The following ENKUR variants were observed in gnomAD, a reference collection of about 807,000 sequenced individuals.
ENKUR encodes the protein enkurin, TRPC channel interacting protein.
A neutral mutation model predicts 27.6 loss-of-function variants in ENKUR; 19 were observed. That is an observed-to-expected ratio of 0.69 (90% CI 0.48 to 1.01). The LOEUF (loss-of-function observed/expected upper bound fraction) is 1.01, where lower values mean the gene tolerates loss of function less well. Among genes scored for constraint, ENKUR ranks in the 50% least tolerant of loss-of-function variants. ENKUR has a pLI of 0.00. For synonymous variants in ENKUR, 117 were observed against 96.9 expected (o/e 1.21, Z -1.22); for missense variants, 312 against 310.5 (o/e 1.00, Z -0.04).
intron 2 of ENKUR, chr10:25,026,625 C>T (rs1850858319): frequency 1.2e-5 from 2 of 163,752 alleles, no homozygotes; most frequent in African/African-American, 4.8e-5. Flanking sequence ...TGTGAATTTA[C>T]TGGATGTTTT....
intron 1 of ENKUR, among the ~76,000 whole-genome samples, chr10:25,000,830 C>A (rs929157785): frequency 6.6e-6 from 1 of 151,910 alleles, no homozygotes; most frequent in African/African-American, 2.4e-5. Context: ...TTTTACATAT[C>A]CCCTTGCTCA....
intron 2 of ENKUR, among the ~76,000 whole-genome samples, chr10:25,035,857 T>C (rs1241653426): frequency 6.6e-6 from 1 of 152,222 alleles, no homozygotes; most frequent in Non-Finnish European, 1.5e-5. Flanking sequence ...CTGGACAGCG[T>C]TGAACATACA....
intron 2 of ENKUR, among the ~76,000 whole-genome samples, chr10:25,051,285 C>T (rs576264300): frequency 2.6e-5 from 4 of 152,136 alleles, no homozygotes; most frequent in Non-Finnish European, 4.4e-5. Context: ...AAATGCAAAC[C>T]CTCCTTGGAG....
chr10:25,039,185 GTGAC>G (rs1851036825), intron 2 of ENKUR, among the ~76,000 whole-genome samples: 1 of 152,126 alleles, frequency 6.6e-6, no homozygotes, highest in African/African-American at 2.4e-5. Context: ...TAGGATCTTG[GTGAC>G]TGATATCCAC....
chr10:25,009,121 G>T (rs1850381287), intron 1 of ENKUR, among the ~76,000 whole-genome samples: 1 of 152,168 alleles, frequency 6.6e-6, no homozygotes, highest in Non-Finnish European at 1.5e-5. Context: ...TGGGAGGAGA[G>T]GGGAGGGATA....
At position 25,056,792 on chromosome 10, in the gene ENKUR, G is replaced by C. The variant is rs183761356; in HGVS notation, c.37+4320C>G. ...TATCATTGGGGTGTCAATATAGAGA[G>C]GCTATTTGTTCTGTTTATTAATGGC... On this transcript the variant is annotated intron_variant, in intron 2 of 5. Transcript: ENST00000615958. Among the ~76,000 whole-genome samples, 331 of 152,236 alleles carry C rather than the reference G, an allele frequency of 2.2e-3. 3 individuals carry two copies. Among genetic ancestry groups the C allele is most frequent in the African/African-American group, 7.3e-3 (304 of 41,520 alleles).
At position 25,030,488 on chromosome 10, in the gene ENKUR, A is replaced by G. The variant is rs149695020; in HGVS notation, c.37+30624T>C. On this transcript the variant is annotated intron_variant, in intron 2 of 5. Coordinates refer to the ENKUR transcript ENST00000615958. ...GGTTCTCTTATTGTTTTTGATAAGT[A>G]TAATGTTATTCTGATTCTTGATTTT... is the stretch of plus-strand genomic sequence containing the variant. Among the ~76,000 whole-genome samples the G allele has an allele frequency of 3.6e-3, 548 of 152,270 alleles. 5 individuals are homozygous for G. Among genetic ancestry groups the G allele is most frequent in the African/African-American group, 0.012 (506 of 41,572 alleles).
intron 1 of ENKUR, among the ~76,000 whole-genome samples, chr10:25,003,003 A>G (rs1850223871): frequency 6.6e-6 from 1 of 152,054 alleles, no homozygotes; most frequent in Non-Finnish European, 1.5e-5. Flanking sequence ...AGGTATATGA[A>G]CTGAAAGCCT....
At chr10:25,050,257 C>T (rs987524347) in intron 2 of ENKUR, among the ~76,000 whole-genome samples, 10 of 152,234 alleles carry the variant, frequency 6.6e-5, no homozygotes, top group Middle Eastern at 6.8e-3. Flanking sequence ...GACAAGCATC[C>T]AAACCATATC....
intron 2 of ENKUR, among the ~76,000 whole-genome samples, chr10:25,046,242 G>T (rs139031291): frequency 1.8e-3 from 274 of 152,214 alleles, no homozygotes; most frequent in Non-Finnish European, 2.7e-3. Context: ...TTCTGTCTTT[G>T]CAAGGCCAAA....
intron 2 of ENKUR, among the ~76,000 whole-genome samples, chr10:25,029,282 T>C (rs1850906510): frequency 6.6e-6 from 1 of 152,182 alleles, no homozygotes; most frequent in African/African-American, 2.4e-5. Flanking sequence ...TTATAATTTC[T>C]AGCTTTCACT....
At position 25,000,626 on chromosome 10, in the gene ENKUR, T is replaced by G. The variant is rs561204761; in HGVS notation, c.78-1080A>C. ...CTACTCTGTCTGACATTATGGTAGC[T>G]AATCAAGCATCCCTTTGATTTGTAA... On this transcript the variant is annotated intron_variant, in intron 1 of 5. Transcript: ENST00000331161. Among the ~76,000 whole-genome samples the G allele has an allele frequency of 5.9e-5, 9 of 152,266 alleles. No individual in the cohort carries two copies. In the South Asian group the frequency reaches 8.3e-4, roughly 14 times the overall value.
intron 1 of ENKUR, among the ~76,000 whole-genome samples, chr10:25,010,955 T>C (rs887174562): frequency 5.9e-4 from 89 of 151,876 alleles, no homozygotes; most frequent in African/African-American, 2.0e-3. Context: ...TTTGGGTATA[T>C]ACCCAGTAAT....
intron 2 of ENKUR, among the ~76,000 whole-genome samples, chr10:25,038,770 G>T (rs145561131): frequency 6.6e-6 from 1 of 152,136 alleles, no homozygotes; most frequent in Non-Finnish European, 1.5e-5. Context: ...TGAACCGAAT[G>T]GGAGAATATG....
chr10:25,041,127 C>T (rs1251212615), intron 2 of ENKUR, among the ~76,000 whole-genome samples: 3 of 152,056 alleles, frequency 2.0e-5, no homozygotes, highest in Non-Finnish European at 2.9e-5. Flanking sequence ...CATTTATTCA[C>T]GACCAATTCC....
At chr10:25,030,981 G>A (rs1850926610) in intron 2 of ENKUR, among the ~76,000 whole-genome samples, 1 of 152,146 alleles carries the variant, frequency 6.6e-6, no homozygotes, top group South Asian at 2.1e-4. Flanking sequence ...AGCTGGGCAT[G>A]TTGGTGGGCA....
chr10:25,010,468 A>C (rs1760128293), intron 1 of ENKUR, among the ~76,000 whole-genome samples: 2 of 151,862 alleles, frequency 1.3e-5, no homozygotes, highest in African/African-American at 4.8e-5. Context: ...TTATACTTTA[A>C]GTTTTAGGGT....
Position 24,984,383 on chromosome 10 carries a change from A to G in ENKUR, c.765-7T>C, listed in dbSNP as rs775783173. 136 of 894,106 alleles carry G rather than the reference A, an allele frequency of 1.5e-4. No individual in the cohort carries two copies. The African/African-American group carries it at 3.4e-3, about 22-fold the overall frequency. The allele number at this position is 894,106 out of a possible 1,614,324, so 55.4% of individuals were successfully genotyped here. On this transcript the variant is annotated splice_polypyrimidine_tract_variant and splice_region_variant and intron_variant, in intron 5 of 5. Transcript: ENST00000331161. ...GTGCTGTTGGTATCATGCGCTGCAG[A>G]AAAAAAAAAAAAAAAGTGAAGTTCT...
intron 4 of ENKUR, 60 bp from the exon 5 acceptor site, chr10:24,984,965 G>T (rs1479794840): frequency 7.6e-7 from 1 of 1,310,024 alleles, no homozygotes; most frequent in Non-Finnish European, 1.1e-6. Flanking sequence ...AAGGAAATGG[G>T]AAAAGCTAAT....
Sources: gnomAD v4.1 joint callset for allele counts (sites outside exome capture counted in the v4.1 genomes callset) on GRCh38, gnomAD v4.1.1 for gene constraint, MANE v1.5 for transcripts, NCBI Gene and HGNC (gene_info 2026-07-23, HGNC 2026-07-21) for gene names.